RBFOX1: variants seen among roughly 807,000 people sequenced by gnomAD.
RBFOX1 encodes the protein RNA binding protein fox-1 homolog 1.
A neutral mutation model predicts 57.7 loss-of-function variants in RBFOX1; 8 were observed. The ratio of observed to expected loss-of-function variants is 0.14; its 90% confidence interval spans 0.08 to 0.25. The LOEUF is 0.25. Ranked by LOEUF, RBFOX1 falls within the 10% of genes least tolerant of loss-of-function variation. The probability of loss-of-function intolerance (pLI) is 1.00; values close to 1 mark genes in which losing one functional copy is unlikely to be tolerated. For missense variants in RBFOX1, 611 were observed against 548.5 expected, an observed-to-expected ratio of 1.11 and a Z score of -1.14; for synonymous variants, 326 against 222.4, an observed-to-expected ratio of 1.47 and a Z score of -4.15.
chr16:7,034,286 G>C (rs1369228643), intron 3 of RBFOX1, among the ~76,000 whole-genome samples: 1 of 152,098 alleles, frequency 6.6e-6, no homozygotes, highest in Non-Finnish European at 1.5e-5. Flanking sequence ...GTATCTACTG[G>C]GTAAGGTCCC....
chr16:6,689,248 G>C (rs1036084176), intron 3 of RBFOX1, among the ~76,000 whole-genome samples: 1 of 152,078 alleles, frequency 6.6e-6, no homozygotes, highest in African/African-American at 2.4e-5. Context: ...GTGGTTGCAG[G>C]ATCCTGAGGT....
At chr16:7,278,017 T>C (rs905408856) in intron 4 of RBFOX1, among the ~76,000 whole-genome samples, 1 of 152,150 alleles carries the variant, frequency 6.6e-6, no homozygotes, top group South Asian at 2.1e-4. Context: ...GTCAGTTCCT[T>C]ATTGGTGGTC....
At chr16:7,420,391 G>T (rs899810828) in intron 4 of RBFOX1, among the ~76,000 whole-genome samples, 1 of 152,148 alleles carries the variant, frequency 6.6e-6, no homozygotes, top group Non-Finnish European at 1.5e-5. Flanking sequence ...GGTATAAGAA[G>T]GAGGTTGGTA....
At chr16:6,986,820 C>G (rs1011509799) in intron 3 of RBFOX1, among the ~76,000 whole-genome samples, 2 of 152,096 alleles carry the variant, frequency 1.3e-5, no homozygotes, top group African/African-American at 4.8e-5. Context: ...GGGCAGGTGC[C>G]TGTATGTTTC....
At chr16:7,399,572 G>T (rs934572054) in intron 4 of RBFOX1, among the ~76,000 whole-genome samples, 4 of 152,196 alleles carry the variant, frequency 2.6e-5, no homozygotes, top group Non-Finnish European at 5.9e-5. Flanking sequence ...AGCCTCTGGT[G>T]GTGTCTGTCA....
At chr16:7,446,311 C>A (rs1055744565) in intron 4 of RBFOX1, among the ~76,000 whole-genome samples, 1 of 152,164 alleles carries the variant, frequency 6.6e-6, no homozygotes, top group African/African-American at 2.4e-5. Flanking sequence ...TTTGTAATCT[C>A]AGGAGTCACT....
At chr16:7,321,028 TAGTA>T (rs1485633170) in intron 4 of RBFOX1, among the ~76,000 whole-genome samples, 2 of 151,954 alleles carry the variant, frequency 1.3e-5, no homozygotes, top group Non-Finnish European at 1.5e-5. Flanking sequence ...TACTTTTTAT[TAGTA>T]AACTGGAGAC....
At chr16:5,975,934 A>T (rs1397261121) in intron 4 of RBFOX1, among the ~76,000 whole-genome samples, 1 of 152,164 alleles carries the variant, frequency 6.6e-6, no homozygotes, top group Non-Finnish European at 1.5e-5. Context: ...ACTTGAGGTC[A>T]GAAGTTCAAG....
chr16:6,695,067 T>C (rs927083758), intron 3 of RBFOX1, among the ~76,000 whole-genome samples: 1 of 152,058 alleles, frequency 6.6e-6, no homozygotes, highest in African/African-American at 2.4e-5. Context: ...GAAGAACTTT[T>C]AGATGAATGC....
At chr16:5,533,448 A>G (rs936860633) in intron 2 of RBFOX1, among the ~76,000 whole-genome samples, 8 of 152,148 alleles carry the variant, frequency 5.3e-5, no homozygotes, top group African/African-American at 1.9e-4. Context: ...GCACACTGAG[A>G]GGGGTTTCTT....
intron 3 of RBFOX1, among the ~76,000 whole-genome samples, chr16:5,674,601 T>C (rs921967574): frequency 1.2e-4 from 19 of 152,260 alleles, no homozygotes; most frequent in African/African-American, 4.3e-4. Context: ...AAGCATCTCA[T>C]AGAACATAGT....
At chr16:7,177,240 T>G (rs895355645) in intron 4 of RBFOX1, among the ~76,000 whole-genome samples, 9 of 152,190 alleles carry the variant, frequency 5.9e-5, no homozygotes, top group African/African-American at 2.2e-4. Context: ...TTGTGCTCCT[T>G]ATCTAGCTTG....
intron 13 of RBFOX1, among the ~76,000 whole-genome samples, chr16:7,669,880 AT>A (rs2070803464): frequency 6.6e-6 from 1 of 152,180 alleles, no homozygotes; most frequent in Non-Finnish European, 1.5e-5. Context: ...CGCAGTCACC[AT>A]AGTGGAGACC....
chr16:6,198,574 C>T (rs533237158), intron 1 of RBFOX1, among the ~76,000 whole-genome samples: 1 of 152,098 alleles, frequency 6.6e-6, no homozygotes, highest in African/African-American at 2.4e-5. Context: ...CTTCTGAAAA[C>T]AAGAGATTGG....
intron 2 of RBFOX1, among the ~76,000 whole-genome samples, chr16:6,362,608 G>A (rs983007708): frequency 6.6e-6 from 1 of 152,220 alleles, no homozygotes; most frequent in African/African-American, 2.4e-5. Flanking sequence ...GGTTAAGGTA[G>A]AGGGCAGAGT....
intron 3 of RBFOX1, chr16:6,983,553 G>C (rs1425722528): frequency 6.6e-6 from 1 of 152,046 alleles, no homozygotes; most frequent in Non-Finnish European, 1.5e-5. Flanking sequence ...CCCAGGGGTG[G>C]TGTGAACATG....
chr16:7,503,804 C>T (rs932210971), intron 4 of RBFOX1, among the ~76,000 whole-genome samples: 2 of 152,140 alleles, frequency 1.3e-5, no homozygotes, highest in African/African-American at 2.4e-5. Flanking sequence ...TGATTTTCTG[C>T]TTGTCCATAT....
intron 1 of RBFOX1, among the ~76,000 whole-genome samples, chr16:5,425,555 T>A (rs1249017627): frequency 1.3e-5 from 2 of 152,068 alleles, no homozygotes; most frequent in Admixed American, 1.3e-4. Flanking sequence ...TCGTGCAAAA[T>A]CAGCCATGTG....
At chr16:6,297,278 G>A (rs2078233178) in intron 1 of RBFOX1, among the ~76,000 whole-genome samples, 1 of 152,114 alleles carries the variant, frequency 6.6e-6, no homozygotes, top group Non-Finnish European at 1.5e-5. Flanking sequence ...TTAACTGTCT[G>A]GGAATGCAGC....
Sources: gnomAD v4.1 joint callset for allele counts (sites outside exome capture counted in the v4.1 genomes callset) on GRCh38, gnomAD v4.1.1 for gene constraint, MANE v1.5 for transcripts, NCBI Gene and HGNC (gene_info 2026-07-23, HGNC 2026-07-21) for gene names.